LRRC1: variants seen among roughly 807,000 people sequenced by gnomAD.
LRRC1 encodes leucine-rich repeat-containing protein 1.
A neutral mutation model predicts 69.9 loss-of-function variants in LRRC1; 28 were observed. The ratio of observed to expected loss-of-function variants is 0.40; its 90% CI spans 0.30 to 0.55. LRRC1 has a LOEUF of 0.55. LRRC1 is among the 20% of genes least tolerant of loss of function. The pLI is 0.47. For missense variants in LRRC1, 498 were observed against 609.0 expected (o/e 0.82, Z 1.92); for synonymous variants, 236 against 240.2 (o/e 0.98, Z 0.16).
chr6:53,880,358 C>T (rs1466433803), intron 3 of LRRC1, among the ~76,000 whole-genome samples: 2 of 152,080 alleles, frequency 1.3e-5, no homozygotes, highest in African/African-American at 4.8e-5. Flanking sequence ...CACCATCTTC[C>T]ATTCAACTGT....
At chr6:53,916,345 T>C (rs1028815834) in intron 11 of LRRC1, among the ~76,000 whole-genome samples, 18 of 152,074 alleles carry the variant, frequency 1.2e-4, no homozygotes, top group African/African-American at 4.1e-4. Flanking sequence ...TATTACCCAA[T>C]CCAAATAATT....
chr6:53,853,864 G>C (rs1352160401), intron 2 of LRRC1, among the ~76,000 whole-genome samples: 2 of 152,150 alleles, frequency 1.3e-5, no homozygotes, highest in East Asian at 1.9e-4. Context: ...GTCCATCTCT[G>C]ATTACTGATG....
At chr6:53,887,744 T>G (rs1358304570) in intron 4 of LRRC1, among the ~76,000 whole-genome samples, 1 of 152,148 alleles carries the variant, frequency 6.6e-6, no homozygotes, top group African/African-American at 2.4e-5. Flanking sequence ...TTCGTGAACC[T>G]TTTTGCATAT....
intron 2 of LRRC1, among the ~76,000 whole-genome samples, chr6:53,844,484 A>G (rs1355299637): frequency 1.3e-5 from 2 of 152,182 alleles, no homozygotes; most frequent in African/African-American, 4.8e-5. Flanking sequence ...ACCAGTTCCC[A>G]CATCAGCTCT....
chr6:53,902,285 A>G (rs976168814), intron 8 of LRRC1, among the ~76,000 whole-genome samples: 5 of 152,286 alleles, frequency 3.3e-5, no homozygotes, highest in Admixed American at 2.6e-4. Flanking sequence ...TATAAGGATA[A>G]TGCTTGGAGT....
At chr6:53,836,252 G>A (rs1207315846) in intron 1 of LRRC1, among the ~76,000 whole-genome samples, 2 of 152,090 alleles carry the variant, frequency 1.3e-5, no homozygotes, top group African/African-American at 2.4e-5. Context: ...AGCAGCAGCG[G>A]AATTACCTAA....
intron 2 of LRRC1, among the ~76,000 whole-genome samples, chr6:53,843,004 G>A (rs1389823268): frequency 1.3e-5 from 2 of 152,044 alleles, no homozygotes; most frequent in Non-Finnish European, 2.9e-5. Flanking sequence ...ACCCCTTAGA[G>A]TGCTTCCCAA....
intron 2 of LRRC1, among the ~76,000 whole-genome samples, chr6:53,869,090 G>A (rs999572620): frequency 6.6e-6 from 1 of 152,198 alleles, no homozygotes; most frequent in African/African-American, 2.4e-5. Flanking sequence ...CAGAAAACTG[G>A]TGCAGATATT....
At chr6:53,894,814 C>T (rs1023095043) in intron 4 of LRRC1, among the ~76,000 whole-genome samples, 7 of 152,106 alleles carry the variant, frequency 4.6e-5, no homozygotes, top group Non-Finnish European at 7.3e-5. Context: ...GTTTCTTCTA[C>T]GTAAACACTT....
intron 2 of LRRC1, among the ~76,000 whole-genome samples, chr6:53,869,059 G>T (rs770050221): frequency 2.0e-5 from 3 of 152,160 alleles, no homozygotes; most frequent in Non-Finnish European, 4.4e-5. Context: ...AGTTTACCCA[G>T]GGGCGCAAAC....
intron 4 of LRRC1, among the ~76,000 whole-genome samples, chr6:53,884,519 C>A (rs192204149): frequency 1.3e-5 from 2 of 151,890 alleles, no homozygotes; most frequent in Admixed American, 1.3e-4. Context: ...CTTTGCCCCC[C>A]CTACACAAAA....
At chr6:53,889,237 A>G (rs1213784241) in intron 4 of LRRC1, among the ~76,000 whole-genome samples, 4 of 151,884 alleles carry the variant, frequency 2.6e-5, no homozygotes, top group African/African-American at 7.3e-5. Context: ...AGAAATTGAA[A>G]CCCTCATATG....
chr6:53,869,545 T>C (rs1026912066), intron 2 of LRRC1, among the ~76,000 whole-genome samples: 1 of 152,214 alleles, frequency 6.6e-6, no homozygotes, highest in Non-Finnish European at 1.5e-5. Context: ...ATAGAGATAC[T>C]GTATACCACA....
chr6:53,840,955 T>C (rs1385279592), intron 1 of LRRC1, among the ~76,000 whole-genome samples: 1 of 151,284 alleles, frequency 6.6e-6, no homozygotes, highest in Non-Finnish European at 1.5e-5. Context: ...CTTTCTTGCA[T>C]GTGGCAGTGG....
At chr6:53,872,973 T>C (rs1025672512) in intron 2 of LRRC1, among the ~76,000 whole-genome samples, 44 of 152,130 alleles carry the variant, frequency 2.9e-4, no homozygotes, top group African/African-American at 1.0e-3. Context: ...GCCAATCTGG[T>C]CTCGAAATCC....
At chr6:53,855,000 G>T (rs200911583) in intron 2 of LRRC1, among the ~76,000 whole-genome samples, 1 of 60,916 alleles carries the variant, frequency 1.6e-5, no homozygotes, top group South Asian at 7.0e-4. Context: ...CGACAAGACA[G>T]GGGGATTTCC....
chr6:53,842,169 G>T lies in LRRC1; in HGVS notation c.219G>T (p.Arg73=). 6.2e-7 allele frequency: 1 copy of T among 1,613,978 alleles called. No homozygotes were observed. Among genetic ancestry groups the T allele is most frequent in the South Asian group, 1.1e-5 (1 of 91,052 alleles). ...KLGLSDNEIQ[R]LPPEIANFMQ... Reference sequence around the variant, plus strand: ...GACTTAGTGATAATGAAATTCAGCGGCTCCCTCCAGAAATAGCAAACTTCA... The same window carrying T: ...GACTTAGTGATAATGAAATTCAGCGTCTCCCTCCAGAAATAGCAAACTTCA... Residue 73 remains arginine, a synonymous_variant, in exon 2 of 14, where the codon CGG becomes CGT. Coordinates refer to ENST00000370888, the MANE Select transcript of LRRC1 (RefSeq NM_018214.5).
intron 9 of LRRC1, among the ~76,000 whole-genome samples, chr6:53,903,097 C>T (rs1768110809): frequency 6.6e-6 from 1 of 152,156 alleles, no homozygotes; most frequent in African/African-American, 2.4e-5. Context: ...CAGGATTCCT[C>T]TGGCCTCTCT....
intron 2 of LRRC1, among the ~76,000 whole-genome samples, chr6:53,859,753 A>G (rs531805010): frequency 2.0e-4 from 30 of 152,190 alleles, no homozygotes; most frequent in African/African-American, 7.2e-4. Flanking sequence ...ACTTGTTTCT[A>G]TTGACTTTTT....
Sources: gnomAD v4.1 joint callset for allele counts (sites outside exome capture counted in the v4.1 genomes callset) on GRCh38, gnomAD v4.1.1 for gene constraint, MANE v1.5 for transcripts, NCBI Gene and HGNC (gene_info 2026-07-23, HGNC 2026-07-21) for gene names.